Variants in KMT2E observed in about 807,000 individuals in gnomAD.
KMT2E encodes lysine methyltransferase 2E (inactive).
Under a neutral mutation model 184.6 loss-of-function variants are expected in KMT2E, and 30 were observed. That is an observed-to-expected ratio of 0.16 (90% CI 0.12 to 0.22). The LOEUF (loss-of-function observed/expected upper bound fraction) is 0.22, where lower values mean the gene tolerates loss of function less well. KMT2E is among the 10% of genes least tolerant of loss of function. The probability of loss-of-function intolerance (pLI) is 1.00; values close to 1 mark genes in which losing one functional copy is unlikely to be tolerated. For missense variants in KMT2E, 2,023 were observed against 2,237.4 expected (o/e 0.90, Z 1.93); for synonymous variants, 815 against 776.5 (o/e 1.05, Z -0.82).
chr7:105,112,944 G>C lies in KMT2E; in HGVS notation c.5188G>C (p.Gly1730Arg). ...GCCACCTTCCAGTGTTTTGGCTTCT[G>C]GGCATCATACCACATCAGCTCAAGC... ...PPPPSSVLAS[G>R]HHTTSAQALH... The change falls in exon 27 of 27, where the codon GGG (glycine) becomes CGG (arginine). Residue 1730 changes from glycine to arginine, a missense_variant. Coordinates refer to ENST00000311117, the MANE Select transcript of KMT2E (RefSeq NM_182931.3). The C allele has an allele frequency of 1.2e-6, 2 of 1,613,630 alleles. No homozygotes were observed. Among genetic ancestry groups the C allele is most frequent in the Non-Finnish European group, 1.7e-6 (2 of 1,179,928 alleles).
At chr7:105,101,152 TTTTTG>T (rs1447165332) in intron 15 of KMT2E, among the ~76,000 whole-genome samples, 2 of 152,174 alleles carry the variant, frequency 1.3e-5, no homozygotes, top group Non-Finnish European at 2.9e-5. Context: ...TTTTGAGGCT[TTTTTG>T]TTTTGTTTTA....
At chr7:105,072,729 A>C (rs1271695688) in intron 6 of KMT2E, among the ~76,000 whole-genome samples, 1 of 152,108 alleles carries the variant, frequency 6.6e-6, no homozygotes, top group Non-Finnish European at 1.5e-5. Flanking sequence ...CAGCCTGACC[A>C]ACATGGAGAA....
At chr7:105,063,049 C>T (rs1489753396) in intron 4 of KMT2E, among the ~76,000 whole-genome samples, 4 of 143,338 alleles carry the variant, frequency 2.8e-5, no homozygotes, top group African/African-American at 1.0e-4. Flanking sequence ...TACCTTCTTT[C>T]ATCTTGGAGG....
chr7:105,111,509 G>A (rs1322112946), intron 26 of KMT2E, among the ~76,000 whole-genome samples: 1 of 152,070 alleles, frequency 6.6e-6, no homozygotes. Flanking sequence ...GAGTTCTTCA[G>A]AGTGAGGCTC....
intron 12 of KMT2E, among the ~76,000 whole-genome samples, chr7:105,080,305 C>A (rs1023039874): frequency 6.6e-6 from 1 of 151,114 alleles, no homozygotes; most frequent in African/African-American, 2.4e-5. Flanking sequence ...AGTAGAAAAT[C>A]GTGTTGGTTT....
At chr7:105,037,092 T>C (rs906515254) in intron 1 of KMT2E, among the ~76,000 whole-genome samples, 8 of 152,220 alleles carry the variant, frequency 5.3e-5, no homozygotes, top group African/African-American at 1.9e-4. Flanking sequence ...CAAGTTTCTT[T>C]AATTATTTCC....
At chr7:105,020,117 A>T (rs1419254150) in intron 1 of KMT2E, among the ~76,000 whole-genome samples, 8 of 151,768 alleles carry the variant, frequency 5.3e-5, no homozygotes, top group South Asian at 2.1e-4. Flanking sequence ...CAAAAAAAAA[A>T]AAAAAGTAAA....
chr7:105,014,268 G>A lies in KMT2E; in HGVS notation c.-456G>A. 1 of 174,270 alleles carries A rather than the reference G, an allele frequency of 5.7e-6. No individual in the cohort carries two copies. The highest frequency in any genetic ancestry group is 1.2e-5 in the Non-Finnish European group (1 of 83,540). 10.8% of individuals were successfully genotyped at this position (174,270 alleles called of 1,614,324 possible). ...CGAGTCGGAGACCGTGCCGGAGTTC[G>A]GGAGCGGCAACAGAGTGGGCATAGA... On this transcript the variant is annotated 5_prime_UTR_variant, in exon 1 of 27. Coordinates refer to ENST00000311117, the MANE Select transcript of KMT2E (RefSeq NM_182931.3).
chr7:105,046,741 C>G (rs1326276795), intron 3 of KMT2E, among the ~76,000 whole-genome samples: 2 of 152,166 alleles, frequency 1.3e-5, no homozygotes, highest in Non-Finnish European at 2.9e-5. Flanking sequence ...TTGAGAGTAT[C>G]ACATTATGAT....
rs140199806 is a variant in KMT2E, at chr7:105,076,992, T to G, written c.798T>G (p.Ser266=). 3.7e-6 allele frequency: 6 copies of G among 1,613,610 alleles called. No homozygotes were observed. The African/African-American group carries it at 6.7e-5, about 18-fold the overall frequency. The change falls in exon 10 of 27, where the codon TCT becomes TCG. Residue 266 remains serine, a synonymous_variant. Coordinates refer to ENST00000311117, the MANE Select transcript of KMT2E (RefSeq NM_182931.3). ...KGSAPEIDPS[S]DGSNFGWETK... ...CAGCTCCAGAGATTGATCCTTCATC[T>G]GATGGTTCAAATTTTGGATGGGAGA...
chr7:105,024,264 T>A (rs1038925122), intron 1 of KMT2E, among the ~76,000 whole-genome samples: 3 of 152,200 alleles, frequency 2.0e-5, no homozygotes, highest in Admixed American at 2.0e-4. Context: ...TAAAAAATAA[T>A]TTGAATTGAC....
intron 3 of KMT2E, among the ~76,000 whole-genome samples, chr7:105,054,450 GTCTGTCTGTCTA>G (rs1193582746): frequency 3.4e-4 from 23 of 66,788 alleles, no homozygotes; most frequent in African/African-American, 1.6e-3. Flanking sequence ...AAGTTGCTCT[GTCTGTCTGTCTA>G]TCTATCTATC....
intron 23 of KMT2E, 25 bp downstream of exon 23, chr7:105,109,253 C>G: frequency 6.2e-7 from 1 of 1,600,710 alleles, no homozygotes. Flanking sequence ...AAGTATGCTA[C>G]TCTGGAAAAA....
At chr7:105,058,395 C>G (rs1227855558) in intron 3 of KMT2E, among the ~76,000 whole-genome samples, 1 of 152,104 alleles carries the variant, frequency 6.6e-6, no homozygotes, top group African/African-American at 2.4e-5. Flanking sequence ...AACCTTCTAC[C>G]TAAGACTCTT....
Position 105,090,034 on chromosome 7 carries a change from C to T in KMT2E, c.1384C>T (p.Leu462Phe). The part of the protein sequence containing the change: ...NCKYKVDCAC[L>F]KENPECPVLK... ...TAAGTACAAGGTGGACTGTGCATGC[C>T]TCAAAGAAAACCCAGAGTGCCCTGT... Residue 462 changes from leucine (L) to phenylalanine (F), a missense_variant, in exon 14 of 27, where the codon CTC (leucine) becomes TTC (phenylalanine). By Grantham distance (22) the Leu-to-Phe change is conservative (BLOSUM62 0). This residue lies in a region of KMT2E where 514 missense variants were observed against 621.8 expected (regional missense o/e 0.83). Coordinates refer to ENST00000311117, the MANE Select transcript of KMT2E (RefSeq NM_182931.3). 1 of 1,612,956 alleles carries T rather than the reference C, an allele frequency of 6.2e-7. No individual in the cohort carries two copies. The highest frequency in any genetic ancestry group is 8.5e-7 in the Non-Finnish European group (1 of 1,179,684).
At chr7:105,083,238 ATCT>A (rs1797827580) in intron 13 of KMT2E, among the ~76,000 whole-genome samples, 1 of 152,086 alleles carries the variant, frequency 6.6e-6, no homozygotes, top group South Asian at 2.1e-4. Flanking sequence ...GACTTTCATG[ATCT>A]TCTCTTTCAG....
At chr7:105,071,582 G>GTATATATATATATATATATATATATA (rs1554392567) in intron 6 of KMT2E, among the ~76,000 whole-genome samples, 4 of 34,944 alleles carry the variant, frequency 1.1e-4, no homozygotes, top group Admixed American at 5.6e-4. Context: ...ATGTGTGTGT[G>GTATATATATATATATATATATATATA]TATATATATA....
intron 7 of KMT2E, 40 bp downstream of exon 7, chr7:105,073,717 ATTG>A: frequency 8.2e-7 from 1 of 1,213,966 alleles, no homozygotes; most frequent in South Asian, 1.3e-5. Context: ...AATTCGTGTG[ATTG>A]AGAGAATAAA....
chr7:105,053,877 C>CA (rs1309111981), intron 3 of KMT2E, among the ~76,000 whole-genome samples: 1 of 150,778 alleles, frequency 6.6e-6, no homozygotes, highest in Non-Finnish European at 1.5e-5. Flanking sequence ...CTTCTCTCTT[C>CA]AAAAAAAAGA....
Sources: gnomAD v4.1 joint callset for allele counts (sites outside exome capture counted in the v4.1 genomes callset) on GRCh38, gnomAD v4.1.1 for gene constraint, gnomAD v4.1.1 regional missense constraint, MANE v1.5 for transcripts, NCBI Gene and HGNC (gene_info 2026-07-23, HGNC 2026-07-21) for gene names.